Variants in ATP13A4 observed in about 807,000 individuals in gnomAD.
ATP13A4 encodes the protein probable cation-transporting ATPase 13A4.
Under a neutral mutation model 142.5 loss-of-function variants are expected in ATP13A4, and 114 were observed. That is an observed-to-expected ratio of 0.80 (90% confidence interval 0.69 to 0.93). ATP13A4 has a LOEUF of 0.93. Among genes scored for constraint, ATP13A4 ranks in the 40% least tolerant of loss-of-function variants. The pLI is 0.00. For synonymous variants in ATP13A4, 488 were observed against 514.8 expected (o/e 0.95, Z 0.70); for missense variants, 1,392 against 1,454.0 (o/e 0.96, Z 0.69).
At chr3:193,493,912 T>C (rs948454377) in intron 3 of ATP13A4, among the ~76,000 whole-genome samples, 1 of 151,764 alleles carries the variant, frequency 6.6e-6, no homozygotes, top group Admixed American at 6.6e-5. Context: ...TAACTAGTAA[T>C]AACATACAGA....
At position 193,483,972 on chromosome 3, in the gene ATP13A4, G is replaced by A; in HGVS notation, c.772C>T (p.His258Tyr). 6.2e-7 allele frequency: 1 copy of A among 1,610,266 alleles called. No homozygotes were observed. Among genetic ancestry groups the A allele is most frequent in the African/African-American group, 1.3e-5 (1 of 74,936 alleles). ...SVKLHHLVES[H>Y]NSITVSVCGR... ...CATACAGAGACCGTAATGCTATTAT[G>A]TGACTCGACGAGATGGTGGAGTTTT... Residue 258 changes from histidine (H) to tyrosine (Y), a missense_variant, in exon 8 of 30, where the codon CAT becomes TAT. By Grantham distance (83) the His-to-Tyr change is moderately conservative (BLOSUM62 2). Transcript: ENST00000342695.
intron 8 of ATP13A4, among the ~76,000 whole-genome samples, chr3:193,471,748 A>G (rs1218349577): frequency 6.6e-6 from 1 of 152,120 alleles, no homozygotes; most frequent in Non-Finnish European, 1.5e-5. Context: ...ATTCTTACCC[A>G]TGATAAGAGA....
chr3:193,524,600 G>A (rs1282408187), intron 1 of ATP13A4, among the ~76,000 whole-genome samples: 1 of 152,110 alleles, frequency 6.6e-6, no homozygotes, highest in Non-Finnish European at 1.5e-5. Flanking sequence ...CTCAAGCGAG[G>A]GTAGCACAGG....
At chr3:193,462,721 G>T (rs62285744) in intron 13 of ATP13A4, 41 bp downstream of exon 13, 325,116 of 1,566,590 alleles carry the variant, frequency 0.21, 35,576 homozygotes, top group South Asian at 0.34. Flanking sequence ...TGGAAAAAGA[G>T]ACACTAGAAT....
intron 12 of ATP13A4, among the ~76,000 whole-genome samples, chr3:193,463,930 C>T (rs1406279648): frequency 6.6e-6 from 1 of 152,104 alleles, no homozygotes; most frequent in Non-Finnish European, 1.5e-5. Context: ...CTTCAGTGTA[C>T]TGTTGAATGA....
chr3:193,442,623 A>G, intron 18 of ATP13A4, 67 bp from the exon 19 acceptor site: 1 of 1,495,518 alleles, frequency 6.7e-7, no homozygotes, highest in Non-Finnish European at 9.3e-7. Context: ...CAGAGCCTTG[A>G]AAACCAGAGC....
intron 1 of ATP13A4, among the ~76,000 whole-genome samples, chr3:193,530,424 T>C (rs1321259966): frequency 6.6e-6 from 1 of 152,154 alleles, no homozygotes; most frequent in Non-Finnish European, 1.5e-5. Flanking sequence ...TCACCACAAT[T>C]ACACATCCAC....
chr3:193,455,366 A>G (rs1446726955), intron 16 of ATP13A4, among the ~76,000 whole-genome samples: 1 of 146,604 alleles, frequency 6.8e-6, no homozygotes. Context: ...AAAAAAAAGT[A>G]GGCAAAGGAC....
intron 15 of ATP13A4, 49 bp from the exon 16 acceptor site, chr3:193,457,202 G>A (rs1717672005): frequency 6.2e-7 from 1 of 1,608,770 alleles, no homozygotes; most frequent in African/African-American, 1.3e-5. Context: ...ACAGCTTCTA[G>A]CTACTGGGAA....
intron 2 of ATP13A4, among the ~76,000 whole-genome samples, chr3:193,568,641 G>A (rs1290719683): frequency 6.6e-6 from 1 of 152,120 alleles, no homozygotes. Flanking sequence ...TGTTTCTAAT[G>A]CCATTCTCCA....
chr3:193,442,209 C>T (rs1296126858), intron 19 of ATP13A4, among the ~76,000 whole-genome samples, 184 bp downstream of exon 19: 1 of 152,148 alleles, frequency 6.6e-6, no homozygotes, highest in East Asian at 1.9e-4. Context: ...TTCCAGCACA[C>T]AGGAAAGCAC....
At chr3:193,441,442 G>T in intron 20 of ATP13A4, 24 bp downstream of exon 20, 1 of 1,613,250 alleles carries the variant, frequency 6.2e-7, no homozygotes, top group Non-Finnish European at 8.5e-7. Context: ...TTCATAGGGA[G>T]ATTGTCACCC....
In ATP13A4 at chr3:193,457,377, A is replaced by G; in HGVS notation, c.1761+2T>C. 6.2e-7 allele frequency: 1 copy of G among 1,614,114 alleles called. No homozygotes were observed. The highest frequency in any genetic ancestry group is 8.5e-7 in the Non-Finnish European group (1 of 1,179,940). On this transcript the variant is annotated splice_donor_variant, in intron 15 of 29. Coordinates refer to ENST00000342695, the MANE Select transcript of ATP13A4 (RefSeq NM_032279.4). LOFTEE classifies it high-confidence loss of function. ...GTGGGGTGAAGAGCAAGCAGGGCTTACCTGGCTGGCTGTTCTGCAGGGCTT... is the reference window on the plus strand; with the variant it reads ...GTGGGGTGAAGAGCAAGCAGGGCTTGCCTGGCTGGCTGTTCTGCAGGGCTT...
At chr3:193,572,239 C>A (rs943128698) in intron 2 of ATP13A4, among the ~76,000 whole-genome samples, 5 of 152,028 alleles carry the variant, frequency 3.3e-5, no homozygotes, top group Non-Finnish European at 4.4e-5. Context: ...CACAATAAGA[C>A]CCTGTCTAAA....
intron 1 of ATP13A4, among the ~76,000 whole-genome samples, chr3:193,544,989 G>T (rs1001693658): frequency 4.6e-5 from 7 of 152,032 alleles, no homozygotes; most frequent in African/African-American, 1.7e-4. Context: ...ACTTGAGTCA[G>T]GAGAGAAGAG....
chr3:193,438,646 A>C, intron 22 of ATP13A4, 62 bp from the exon 23 acceptor site: 84 of 1,418,850 alleles, frequency 5.9e-5, no homozygotes, highest in Middle Eastern at 1.7e-4. Flanking sequence ...CTAAAGCCTC[A>C]TAAGAAAAGG....
intron 11 of ATP13A4, among the ~76,000 whole-genome samples, chr3:193,465,408 G>A (rs986994718): frequency 6.6e-6 from 1 of 152,150 alleles, no homozygotes; most frequent in East Asian, 1.9e-4. Context: ...GGCTGGTCTT[G>A]AACTCCTGAC....
At chr3:193,585,967 C>G (rs138214840) in intron 1 of ATP13A4, among the ~76,000 whole-genome samples, 47 of 152,198 alleles carry the variant, frequency 3.1e-4, no homozygotes, top group African/African-American at 1.1e-3. Context: ...ATTGACAGTT[C>G]TGGTTGCTCC....
chr3:193,422,536 T>C (rs4687429), intron 25 of ATP13A4, among the ~76,000 whole-genome samples: 108,243 of 149,090 alleles, frequency 0.73, 40,905 homozygotes, highest in Non-Finnish European at 0.76. Context: ...GTATTGTTTC[T>C]AACCACAATA....
Sources: allele counts gnomAD v4.1 joint callset (sites outside exome capture counted in the v4.1 genomes callset), GRCh38; gene constraint gnomAD v4.1.1; transcripts MANE v1.5; gene names NCBI Gene and HGNC (gene_info 2026-07-23, HGNC 2026-07-21).